ZZZ3: variants seen among roughly 807,000 people sequenced by gnomAD.
ZZZ3 encodes zinc finger ZZ-type containing 3, also known as ZZ-type zinc finger-containing protein 3.
A neutral mutation model predicts 95.2 loss-of-function variants in ZZZ3; 22 were observed. The ratio of observed to expected loss-of-function variants is 0.23; its 90% CI spans 0.17 to 0.33. The LOEUF is 0.33. Ranked by LOEUF, ZZZ3 falls within the 10% of genes least tolerant of loss-of-function variation. The pLI, the probability that ZZZ3 is intolerant of heterozygous loss-of-function variation, is 1.00. For synonymous variants in ZZZ3, 335 were observed against 358.9 expected (o/e 0.93, Z 0.75); for missense variants, 885 against 1,066.5 (o/e 0.83, Z 2.37).
intron 5 of ZZZ3, among the ~76,000 whole-genome samples, chr1:77,613,947 C>T (rs2100747184): frequency 6.6e-6 from 1 of 152,188 alleles, no homozygotes; most frequent in East Asian, 1.9e-4. Flanking sequence ...AGTTAAAGCT[C>T]TGCAGTGCTA....
At chr1:77,663,896 C>T (rs1671034439) in intron 1 of ZZZ3, among the ~76,000 whole-genome samples, 2 of 151,816 alleles carry the variant, frequency 1.3e-5, no homozygotes, top group Non-Finnish European at 2.9e-5. Context: ...ATTACAGGTG[C>T]GTGCCACCAC....
intron 12 of ZZZ3, among the ~76,000 whole-genome samples, chr1:77,572,489 A>G (rs1212482954): frequency 6.6e-6 from 1 of 151,420 alleles, no homozygotes; most frequent in Non-Finnish European, 1.5e-5. Context: ...ACAAGCATGC[A>G]CCACCATACC....
At chr1:77,619,068 A>G (rs1666604788) in intron 5 of ZZZ3, among the ~76,000 whole-genome samples, 1 of 152,184 alleles carries the variant, frequency 6.6e-6, no homozygotes, top group African/African-American at 2.4e-5. Context: ...ACCCCTGACA[A>G]CCAGTCAGAT....
At chr1:77,611,356 G>A (rs1415836144) in intron 5 of ZZZ3, among the ~76,000 whole-genome samples, 1 of 151,304 alleles carries the variant, frequency 6.6e-6, no homozygotes, top group Non-Finnish European at 1.5e-5. Flanking sequence ...AGCAACTCAG[G>A]AAGATAGAAA....
chr1:77,672,514 T>A (rs575906563), intron 1 of ZZZ3, among the ~76,000 whole-genome samples: 3 of 152,320 alleles, frequency 2.0e-5, no homozygotes, highest in African/African-American at 7.2e-5. Flanking sequence ...AATGCAGAAG[T>A]CCTGACTATA....
intron 5 of ZZZ3, among the ~76,000 whole-genome samples, chr1:77,587,980 G>A (rs1233625996): frequency 1.3e-5 from 2 of 152,208 alleles, no homozygotes; most frequent in East Asian, 3.9e-4. Flanking sequence ...CTTTGTTGAA[G>A]GAATACAGTA....
At chr1:77,611,382 A>G (rs952153144) in intron 5 of ZZZ3, among the ~76,000 whole-genome samples, 3 of 151,902 alleles carry the variant, frequency 2.0e-5, no homozygotes, top group African/African-American at 7.2e-5. Flanking sequence ...GGGAAGAATT[A>G]ATACTATTAA....
At chr1:77,641,327 C>A (rs139850136) in intron 3 of ZZZ3, 57 bp downstream of exon 3, 2 of 375,000 alleles carry the variant, frequency 5.3e-6, no homozygotes, top group African/African-American at 2.1e-5. Context: ...TTATCCACTA[C>A]GATATTTAGC....
At chr1:77,676,719 T>A (rs1672300951) in intron 1 of ZZZ3, among the ~76,000 whole-genome samples, 1 of 151,846 alleles carries the variant, frequency 6.6e-6, no homozygotes, top group African/African-American at 2.4e-5. Flanking sequence ...TATCACAGAA[T>A]CATCTAAAAA....
At chr1:77,640,718 G>C (rs950377654) in intron 3 of ZZZ3, among the ~76,000 whole-genome samples, 3 of 152,006 alleles carry the variant, frequency 2.0e-5, no homozygotes, top group African/African-American at 7.3e-5. Context: ...GACAGAAACT[G>C]TCGCTTTATT....
chr1:77,649,657 C>T lies in ZZZ3; in HGVS notation c.-402-8002G>A, dbSNP rs551247499. ...CAACACTTTGGGAGGCCAAGGTGGGCGGATCACCTGAGGTCGGGAGCTTGA... is the reference window on the plus strand; with the variant it reads ...CAACACTTTGGGAGGCCAAGGTGGGTGGATCACCTGAGGTCGGGAGCTTGA... On this transcript the variant is annotated intron_variant, in intron 1 of 14. Coordinates refer to ENST00000370801, the MANE Select transcript of ZZZ3 (RefSeq NM_015534.6). 5.9e-5 allele frequency among the ~76,000 whole-genome samples: 9 copies of T among 152,052 alleles called. No individual in the cohort carries two copies. In the East Asian group the frequency reaches 1.4e-3, roughly 23 times the overall value.
intron 12 of ZZZ3, among the ~76,000 whole-genome samples, chr1:77,572,869 C>T (rs2100497754): frequency 6.6e-6 from 1 of 151,260 alleles, no homozygotes; most frequent in South Asian, 2.1e-4. Context: ...TGGTCTTGAA[C>T]TCCCAGGCTC....
chr1:77,576,599 A>G (rs1316134198), intron 11 of ZZZ3, among the ~76,000 whole-genome samples: 10 of 152,194 alleles, frequency 6.6e-5, no homozygotes, highest in Admixed American at 6.5e-4. Flanking sequence ...ACTATCCAGT[A>G]AAAAGTAAAA....
At position 77,568,538 on chromosome 1, in the gene ZZZ3, A is replaced by G. The variant is rs553431314; in HGVS notation, c.2332-72T>C. The G allele has an allele frequency of 6.4e-6, 5 of 775,832 alleles. No homozygotes were observed. The African/African-American group carries it at 7.2e-5, about 11-fold the overall frequency. The allele number at this position is 775,832 out of a possible 1,614,324, so 48.1% of individuals were successfully genotyped here. On this transcript the variant is annotated intron_variant, in intron 12 of 14. Transcript: ENST00000370801. ...TGAATTAAGTGTAAGTAATACTGAT[A>G]CAGAATATTTTTCTACTGATATTTT...
At chr1:77,593,415 C>T (rs1663911362) in intron 5 of ZZZ3, among the ~76,000 whole-genome samples, 2 of 152,064 alleles carry the variant, frequency 1.3e-5, no homozygotes, top group African/African-American at 4.8e-5. Flanking sequence ...ATATCACAAA[C>T]ATAATGTATT....
At chr1:77,669,509 T>C (rs986750825) in intron 1 of ZZZ3, among the ~76,000 whole-genome samples, 1 of 145,448 alleles carries the variant, frequency 6.9e-6, no homozygotes, top group African/African-American at 2.6e-5. Flanking sequence ...CAGGCTGGAG[T>C]GAACAGGCGC....
At chr1:77,611,298 C>A (rs1330241992) in intron 5 of ZZZ3, among the ~76,000 whole-genome samples, 2 of 142,904 alleles carry the variant, frequency 1.4e-5, no homozygotes, top group Non-Finnish European at 3.1e-5. Flanking sequence ...TAACTTTAAC[C>A]AAGAAGGTAA....
At chr1:77,609,151 C>A (rs1665530302) in intron 5 of ZZZ3, among the ~76,000 whole-genome samples, 1 of 151,968 alleles carries the variant, frequency 6.6e-6, no homozygotes, top group Non-Finnish European at 1.5e-5. Flanking sequence ...ACACACTTCA[C>A]CTATAAAGAC....
intron 12 of ZZZ3, among the ~76,000 whole-genome samples, chr1:77,573,520 T>C (rs1337923841): frequency 6.6e-6 from 1 of 152,232 alleles, no homozygotes; most frequent in East Asian, 1.9e-4. Flanking sequence ...ACATATTTTG[T>C]TCATAACTAC....
Sources: allele counts gnomAD v4.1 joint callset (sites outside exome capture counted in the v4.1 genomes callset), GRCh38; gene constraint gnomAD v4.1.1; transcripts MANE v1.5; gene names NCBI Gene and HGNC (gene_info 2026-07-23, HGNC 2026-07-21).